The following FAM91A1 variants were observed in gnomAD, a reference collection of about 807,000 sequenced individuals.
FAM91A1 encodes the protein protein FAM91A1.
FAM91A1 carries 41 observed loss-of-function variants against 113.5 expected under a neutral mutation model. That is an observed-to-expected ratio of 0.36 (90% CI 0.28 to 0.47). The LOEUF (loss-of-function observed/expected upper bound fraction) is 0.47, where lower values mean the gene tolerates loss of function less well. Ranked by LOEUF, FAM91A1 falls within the 20% of genes least tolerant of loss-of-function variation. The pLI is 1.00. For missense variants in FAM91A1, 696 were observed against 1,001.2 expected, an observed-to-expected ratio of 0.70 and a Z score of 4.11; for synonymous variants, 307 against 347.9, an observed-to-expected ratio of 0.88 and a Z score of 1.31.
chr8:123,786,185 T>G (rs1815253531), intron 11 of FAM91A1: 2 of 301,390 alleles, frequency 6.6e-6, no homozygotes, highest in Non-Finnish European at 1.3e-5. Context: ...TTTAATCTTG[T>G]GTGTGTGTTA....
In FAM91A1 at chr8:123,787,361, A is replaced by C; in HGVS notation, c.1179A>C (p.Gly393=). The change falls in exon 13 of 24, where the codon GGA becomes GGC. Residue 393 remains glycine (G), a synonymous_variant. Transcript: ENST00000334705. ...DSTLTAFLMM[G]NLSPNLKSHA... is the part of the protein sequence containing the mutation. Reference sequence around the variant, plus strand: ...CTCTTACTGCCTTCTTAATGATGGGAAATCTTTCACCAGTAAGCCCAATTC... The same window carrying C: ...CTCTTACTGCCTTCTTAATGATGGGCAATCTTTCACCAGTAAGCCCAATTC... 1 of 1,611,168 alleles carries C rather than the reference A, an allele frequency of 6.2e-7. No homozygotes were observed. The highest frequency in any genetic ancestry group is 8.5e-7 in the Non-Finnish European group (1 of 1,179,100).
At chr8:123,785,563 CT>C in intron 10 of FAM91A1, 65 bp from the exon 11 acceptor site, 1 of 1,087,306 alleles carries the variant, frequency 9.2e-7, no homozygotes, top group Non-Finnish European at 1.4e-6. Flanking sequence ...ACTATTTTTT[CT>C]CTACAAATAT....
intron 1 of FAM91A1, 114 bp downstream of exon 1, chr8:123,768,888 A>C: frequency 3.8e-6 from 4 of 1,054,296 alleles, no homozygotes; most frequent in South Asian, 1.4e-5. Flanking sequence ...CCCTTCCTTT[A>C]CTCCTCCGTG....
At chr8:123,777,507 G>A (rs182625861) in intron 4 of FAM91A1, among the ~76,000 whole-genome samples, 185 bp downstream of exon 4, 2 of 152,324 alleles carry the variant, frequency 1.3e-5, no homozygotes, top group East Asian at 1.9e-4. Context: ...TACTCTAAAT[G>A]TCTAAGAGAG....
chr8:123,808,939 A>G lies in FAM91A1; in HGVS notation c.2184A>G (p.Gly728=). Residue 728 remains glycine (G), a synonymous_variant, in exon 22 of 24, where the codon GGA becomes GGG. Coordinates refer to ENST00000334705, the MANE Select transcript of FAM91A1 (RefSeq NM_144963.4). ...GGGTTCCTCTCGAGCTGTGCTTTGGAATTCCACTGTTCAGTTCCGAATTAA... is the reference window on the plus strand; with the variant it reads ...GGGTTCCTCTCGAGCTGTGCTTTGGGATTCCACTGTTCAGTTCCGAATTAA... The part of the protein sequence containing the change: ...ADWVPLELCF[G]IPLFSSELNR... 6.2e-7 allele frequency: 1 copy of G among 1,612,678 alleles called. No individual in the cohort carries two copies. Among genetic ancestry groups the G allele is most frequent in the South Asian group, 1.1e-5 (1 of 91,012 alleles).
At chr8:123,808,442 G>T (rs1478464618) in intron 21 of FAM91A1, 66 bp downstream of exon 21, 24 of 1,261,840 alleles carry the variant, frequency 1.9e-5, no homozygotes, top group South Asian at 1.4e-5. Flanking sequence ...TTATGTTAAG[G>T]CATTTGCATG....
intron 15 of FAM91A1, among the ~76,000 whole-genome samples, chr8:123,795,793 A>G (rs908929213): frequency 6.6e-6 from 1 of 152,200 alleles, no homozygotes. Flanking sequence ...AGAAATGAGC[A>G]CCAGGATTTA....
chr8:123,801,140 C>G (rs956887371), intron 18 of FAM91A1, among the ~76,000 whole-genome samples: 4 of 152,192 alleles, frequency 2.6e-5, no homozygotes, highest in Non-Finnish European at 4.4e-5. Context: ...TTTACATTCT[C>G]ACGGGCACTT....
At chr8:123,800,805 C>T (rs1167863250) in intron 18 of FAM91A1, among the ~76,000 whole-genome samples, 1 of 152,068 alleles carries the variant, frequency 6.6e-6, no homozygotes, top group African/African-American at 2.4e-5. Flanking sequence ...TGGCTTCCTT[C>T]ATTTAACATA....
At chr8:123,774,838 G>A (rs1418355744) in intron 2 of FAM91A1, among the ~76,000 whole-genome samples, 1 of 152,086 alleles carries the variant, frequency 6.6e-6, no homozygotes, top group Non-Finnish European at 1.5e-5. Flanking sequence ...CTCTTGTAAG[G>A]TAGTAGAATA....
At chr8:123,794,416 T>A (rs1452900537) in intron 15 of FAM91A1, among the ~76,000 whole-genome samples, 2 of 152,228 alleles carry the variant, frequency 1.3e-5, no homozygotes, top group Admixed American at 1.3e-4. Flanking sequence ...TGCACACATT[T>A]ACAGATCACA....
In FAM91A1 at chr8:123,768,734, A is replaced by G; in HGVS notation, c.32A>G (p.His11Arg). 1 of 1,611,652 alleles carries G rather than the reference A, an allele frequency of 6.2e-7. No homozygotes were observed. The highest frequency in any genetic ancestry group is 8.5e-7 in the Non-Finnish European group (1 of 1,178,892). Reference sequence around the variant, plus strand: ...ATAGACGTGGAGTTCCACATCCGGCACAACTACCCCTGGAACAAGTTGCCG... The same window carrying G: ...ATAGACGTGGAGTTCCACATCCGGCGCAACTACCCCTGGAACAAGTTGCCG... MNIDVEFHIR[H>R]NYPWNKLPAN... is the part of the protein sequence containing the mutation. Residue 11 changes from histidine to arginine, a missense_variant, in exon 1 of 24, where the codon CAC becomes CGC. Transcript: ENST00000334705.
At chr8:123,781,105 C>T (rs929551398) in intron 8 of FAM91A1, among the ~76,000 whole-genome samples, 6 of 152,110 alleles carry the variant, frequency 3.9e-5, no homozygotes, top group African/African-American at 1.2e-4. Context: ...CTGATATGTT[C>T]AATATCCTTG....
rs778701310 is a variant in FAM91A1, at chr8:123,806,121, A to T, written c.1924A>T (p.Ile642Leu). 9.9e-6 allele frequency: 16 copies of T among 1,611,504 alleles called. No homozygotes were observed. The East Asian group carries it at 3.6e-4, about 36-fold the overall frequency. Residue 642 changes from isoleucine (I) to leucine (L), a missense_variant, in exon 20 of 24, where the codon ATA becomes TTA. By Grantham distance (5) the Ile-to-Leu change is conservative (BLOSUM62 2). Coordinates refer to ENST00000334705, the MANE Select transcript of FAM91A1 (RefSeq NM_144963.4). ...TATGGGTGTTCATAAAGCATTGCAG[A>T]TACTAAGGAACAGAGTGGACTTACA... ...VNMGVHKALQ[I>L]LRNRVDLQHL...
At position 123,806,226 on chromosome 8, in the gene FAM91A1, A is replaced by C. The variant is rs1815807087; in HGVS notation, c.2029A>C (p.Arg677=). 1.9e-6 allele frequency: 3 copies of C among 1,610,310 alleles called. No individual in the cohort carries two copies. The highest frequency in any genetic ancestry group is 2.5e-6 in the Non-Finnish European group (3 of 1,177,764). ...DRKLSDASDE[R]GEPDLASGSD... ...AAAACTCAGTGATGCTTCTGATGAG[A>C]GAGGTTAGCCAATAGTTGGATTCTT... Residue 677 remains arginine, a synonymous_variant, in exon 20 of 24, where the codon AGA becomes CGA. Coordinates refer to ENST00000334705, the MANE Select transcript of FAM91A1 (RefSeq NM_144963.4).
At chr8:123,810,439 C>A in intron 23 of FAM91A1, 88 bp downstream of exon 23, 2 of 1,112,910 alleles carry the variant, frequency 1.8e-6, no homozygotes, top group Non-Finnish European at 2.7e-6. Flanking sequence ...GTCACCACAG[C>A]AGCAAGATAT....
chr8:123,809,081 A>G (rs1815886149), intron 22 of FAM91A1, 65 bp downstream of exon 22: 41 of 1,578,610 alleles, frequency 2.6e-5, no homozygotes, highest in Non-Finnish European at 3.5e-5. Context: ...AATAGTTACC[A>G]TATCTTACTT....
chr8:123,790,316 T>C (rs1315973973), intron 15 of FAM91A1, among the ~76,000 whole-genome samples: 2 of 152,206 alleles, frequency 1.3e-5, no homozygotes, highest in East Asian at 1.9e-4. Flanking sequence ...GTTCCCAAAC[T>C]TTAGTTGAAT....
chr8:123,793,445 G>A (rs961391234), intron 15 of FAM91A1, among the ~76,000 whole-genome samples: 21 of 152,090 alleles, frequency 1.4e-4, no homozygotes, highest in African/African-American at 4.6e-4. Flanking sequence ...GCATTCTCTC[G>A]TATTCTCTGT....
Sources: allele counts gnomAD v4.1 joint callset (sites outside exome capture counted in the v4.1 genomes callset), GRCh38; gene constraint gnomAD v4.1.1; transcripts MANE v1.5; gene names NCBI Gene and HGNC (gene_info 2026-07-23, HGNC 2026-07-21).